PLXDC2: variants seen among roughly 807,000 people sequenced by gnomAD.
PLXDC2 encodes plexin domain-containing protein 2.
PLXDC2 carries 40 observed loss-of-function variants against 68.9 expected under a neutral mutation model. That is an observed-to-expected ratio of 0.58 (90% CI 0.45 to 0.76). The LOEUF is 0.76. Ranked by LOEUF, PLXDC2 falls within the 30% of genes least tolerant of loss-of-function variation. The pLI, the probability that PLXDC2 is intolerant of heterozygous loss-of-function variation, is 0.00. For synonymous variants in PLXDC2, 243 were observed against 234.2 expected (o/e 1.04, Z -0.34); for missense variants, 644 against 661.9 (o/e 0.97, Z 0.30).
chr10:20,202,315 G>T (rs74747110), intron 9 of PLXDC2, among the ~76,000 whole-genome samples: 14,778 of 152,186 alleles, frequency 0.097, 865 homozygotes, highest in Non-Finnish European at 0.14. Flanking sequence ...GAGGTTCAAA[G>T]ACACTATATT....
chr10:20,095,185 T>G (rs1458260500), intron 4 of PLXDC2, among the ~76,000 whole-genome samples: 1 of 152,228 alleles, frequency 6.6e-6, no homozygotes, highest in Non-Finnish European at 1.5e-5. Context: ...ATAAGTTTTT[T>G]GTTTCTTTTC....
intron 1 of PLXDC2, among the ~76,000 whole-genome samples, chr10:19,866,779 A>C (rs1837424891): frequency 6.6e-6 from 1 of 152,204 alleles, no homozygotes; most frequent in Non-Finnish European, 1.5e-5. Flanking sequence ...ACATTTTAGA[A>C]AAGAAGAACT....
chr10:20,137,140 G>C (rs910009115), intron 4 of PLXDC2, among the ~76,000 whole-genome samples: 6 of 152,180 alleles, frequency 3.9e-5, no homozygotes, highest in Non-Finnish European at 2.9e-5. Flanking sequence ...CAATTTTAAA[G>C]TTATATAAAT....
chr10:20,044,492 C>A (rs1043150842), intron 2 of PLXDC2, among the ~76,000 whole-genome samples: 1 of 151,558 alleles, frequency 6.6e-6, no homozygotes, highest in South Asian at 2.1e-4. Context: ...GTATTTATAG[C>A]GGAGACGGGG....
chr10:20,218,900 A>G (rs1004644517), intron 11 of PLXDC2, among the ~76,000 whole-genome samples, 164 bp from the exon 12 acceptor site: 1 of 152,170 alleles, frequency 6.6e-6, no homozygotes, highest in Admixed American at 6.5e-5. Flanking sequence ...TACATCATGT[A>G]AAGCAAGGAC....
intron 4 of PLXDC2, among the ~76,000 whole-genome samples, chr10:20,100,780 A>G (rs1238400692): frequency 6.6e-6 from 1 of 152,122 alleles, no homozygotes. Context: ...GGTGATCTTG[A>G]AAATGTCCAT....
intron 4 of PLXDC2, among the ~76,000 whole-genome samples, chr10:20,134,189 T>A (rs1393024688): frequency 6.6e-6 from 1 of 152,204 alleles, no homozygotes; most frequent in Admixed American, 6.5e-5. Flanking sequence ...TTTTCAATTC[T>A]TTGTCAGGCA....
intron 9 of PLXDC2, among the ~76,000 whole-genome samples, chr10:20,179,480 C>T (rs1015020107): frequency 2.3e-4 from 35 of 152,052 alleles, no homozygotes; most frequent in Non-Finnish European, 4.6e-4. Context: ...AGATGAGGGA[C>T]TTTCAATGCT....
intron 1 of PLXDC2, among the ~76,000 whole-genome samples, chr10:19,992,237 G>A (rs1000026584): frequency 1.3e-5 from 2 of 152,116 alleles, no homozygotes; most frequent in Non-Finnish European, 2.9e-5. Flanking sequence ...ACTTTTCTAG[G>A]TGGGAAGAAC....
chr10:20,222,128 A>G (rs2358869), intron 12 of PLXDC2, among the ~76,000 whole-genome samples: 133,258 of 152,136 alleles, frequency 0.88, 58,811 homozygotes, highest in Middle Eastern at 0.95. Flanking sequence ...GAAAAAGGGT[A>G]ACATTTTTCA....
chr10:20,133,834 A>G (rs947666069), intron 4 of PLXDC2, among the ~76,000 whole-genome samples: 2 of 152,122 alleles, frequency 1.3e-5, no homozygotes, highest in Non-Finnish European at 2.9e-5. Flanking sequence ...AACTCCCATA[A>G]TGAATATATT....
chr10:20,066,342 T>C (rs936297620), intron 3 of PLXDC2, among the ~76,000 whole-genome samples: 1 of 152,192 alleles, frequency 6.6e-6, no homozygotes, highest in African/African-American at 2.4e-5. Flanking sequence ...AGCGTTTTGG[T>C]TGATATTTGG....
chr10:20,145,675 G>A (rs1334991358), intron 5 of PLXDC2, among the ~76,000 whole-genome samples: 1 of 151,782 alleles, frequency 6.6e-6, no homozygotes, highest in Non-Finnish European at 1.5e-5. Flanking sequence ...TCAACCTCCC[G>A]AGTAGCTGGG....
chr10:20,234,409 T>G (rs1835405297), intron 12 of PLXDC2, among the ~76,000 whole-genome samples: 1 of 152,170 alleles, frequency 6.6e-6, no homozygotes, highest in African/African-American at 2.4e-5. Context: ...GTGTGATAAA[T>G]ACAGCTTTAT....
chr10:19,997,495 T>G (rs1489171515), intron 1 of PLXDC2, among the ~76,000 whole-genome samples: 1 of 152,222 alleles, frequency 6.6e-6, no homozygotes, highest in African/African-American at 2.4e-5. Context: ...TGCATGTCAA[T>G]TTATGCAGTT....
Position 20,044,122 on chromosome 10 carries a change from T to TCCTTCCTTCCTTCCTTCCTCCCTCCCTC in PLXDC2, c.325-2744_325-2743insTCCTTCCTTCCTTCCTCCCTCCCTCCCT, listed in dbSNP as rs71388894. Among the ~76,000 whole-genome samples, 236 of 99,776 alleles carry TCCTTCCTTCCTTCCTTCCTCCCTCCCTC rather than the reference T, an allele frequency of 2.4e-3. 18 individuals are homozygous for TCCTTCCTTCCTTCCTTCCTCCCTCCCTC. Among genetic ancestry groups the TCCTTCCTTCCTTCCTTCCTCCCTCCCTC allele is most frequent in the South Asian group, 0.014 (39 of 2,854 alleles). 65.5% of individuals were successfully genotyped at this position (99,776 alleles called of 152,430 possible). A position where few individuals can be genotyped will look rare whatever the true frequency, so the allele number is the denominator to read the frequency against. On this transcript the variant is annotated intron_variant, in intron 2 of 13. Coordinates refer to ENST00000377252, the MANE Select transcript of PLXDC2 (RefSeq NM_032812.9). ...TTCCTTCCTTCCTTCCTTCCTTCCTTCCTCCCTCCCTCCCTCTCTCTCTTT... is the reference window on the plus strand; with the variant it reads ...TTCCTTCCTTCCTTCCTTCCTTCCTTCCTTCCTTCCTTCCTTCCTCCCTCCCTCCCTCCCTCCCTCCCTCTCTCTCTTT...
intron 1 of PLXDC2, among the ~76,000 whole-genome samples, chr10:19,952,286 A>G (rs777134326): frequency 1.1e-4 from 16 of 152,154 alleles, no homozygotes; most frequent in African/African-American, 2.4e-4. Flanking sequence ...GCTACTTAAC[A>G]GCAGCTGTTG....
At chr10:20,187,793 A>C (rs114756739) in intron 9 of PLXDC2, among the ~76,000 whole-genome samples, 1,674 of 152,056 alleles carry the variant, frequency 0.011, 28 homozygotes, top group African/African-American at 0.039. Context: ...TCTCGATGAC[A>C]CTTTCATAAT....
rs189960819 is a variant in PLXDC2 at position 20,068,181 on chromosome 10, G to T, written c.483G>T (p.Leu161=). Reference sequence around the variant, plus strand: ...GTTGTTCTTTGCAGAGAGTGAATCTGTCCTTCGATTTTCCATTTTATGGCC... The same window carrying T: ...GTTGTTCTTTGCAGAGAGTGAATCTTTCCTTCGATTTTCCATTTTATGGCC... The part of the protein sequence containing the change: ...NTHRQAARVN[L]SFDFPFYGHF... The change falls in exon 4 of 14, where the codon CTG becomes CTT. Residue 161 remains leucine (L), a synonymous_variant. Transcript: ENST00000377252. 7 of 1,612,856 alleles carry T rather than the reference G, an allele frequency of 4.3e-6. No homozygotes were observed. The East Asian group carries it at 1.3e-4, about 31-fold the overall frequency.
Sources: gnomAD v4.1 joint callset for allele counts (sites outside exome capture counted in the v4.1 genomes callset) on GRCh38, gnomAD v4.1.1 for gene constraint, MANE v1.5 for transcripts, NCBI Gene and HGNC (gene_info 2026-07-23, HGNC 2026-07-21) for gene names.